CSMD2: variants seen among roughly 807,000 people sequenced by gnomAD.
The protein encoded by CSMD2 is CUB and Sushi multiple domains 2.
CSMD2 carries 130 observed loss-of-function variants against 398.5 expected under a neutral mutation model. The observed-to-expected ratio is 0.33, with a 90% CI of 0.28 to 0.38. CSMD2 has a LOEUF of 0.38. CSMD2 is among the 10% of genes least tolerant of loss of function. The pLI is 1.00. For synonymous variants in CSMD2, 1,828 were observed against 1,908.5 expected (o/e 0.96, Z 1.10); for missense variants, 3,829 against 4,764.9 (o/e 0.80, Z 5.78).
At chr1:34,026,820 G>C (rs369436710) in intron 3 of CSMD2, among the ~76,000 whole-genome samples, 25 of 152,166 alleles carry the variant, frequency 1.6e-4, no homozygotes, top group African/African-American at 5.8e-4. Flanking sequence ...AGACACACTG[G>C]GGGTAGAGTG....
At chr1:33,768,152 C>T (rs529340371) in intron 13 of CSMD2, among the ~76,000 whole-genome samples, 1 of 152,228 alleles carries the variant, frequency 6.6e-6, no homozygotes, top group Non-Finnish European at 1.5e-5. Context: ...TGCCTTCCCA[C>T]TGTCATAATG....
chr1:34,164,904 G>GACCCACCCGCGGCGGCCGA lies in CSMD2; in HGVS notation c.187+6_187+7insTCGGCCGCCGCGGGTGGGT. The GACCCACCCGCGGCGGCCGA allele has an allele frequency of 8.2e-7, 1 of 1,219,530 alleles. No homozygotes were observed. The highest frequency in any genetic ancestry group is 1.0e-6 in the Non-Finnish European group (1 of 980,210). 75.5% of individuals were successfully genotyped at this position (1,219,530 alleles called of 1,614,324 possible). A position where few individuals can be genotyped will look rare whatever the true frequency, so the allele number is the denominator to read the frequency against. ...GGCCGCTGGCTCCTCGGCGCGGCTG[G>GACCCACCCGCGGCGGCCGA]ACTCACCCGCGGCGGCCGAGACGCT... On this transcript the variant is annotated splice_region_variant and intron_variant, in intron 1 of 70. Coordinates refer to ENST00000373381, the MANE Select transcript of CSMD2 (RefSeq NM_001281956.2). The surrounding 1 kb of genome is among the most constrained non-coding windows in gnomAD (Gnocchi z 6.2).
chr1:34,108,592 T>C (rs1283216771), intron 1 of CSMD2, among the ~76,000 whole-genome samples: 1 of 152,024 alleles, frequency 6.6e-6, no homozygotes, highest in African/African-American at 2.4e-5. Flanking sequence ...GTCCAACCTC[T>C]CCCATAATTT....
Position 33,533,795 on chromosome 1 carries a change from C to T in CSMD2, c.9991+1G>A. The T allele has an allele frequency of 1.9e-6, 3 of 1,604,834 alleles. No individual in the cohort carries two copies. The highest frequency in any genetic ancestry group is 2.6e-6 in the Non-Finnish European group (3 of 1,171,690). ...GGGATGTGGGTGAAGTCTGCACTCA[C>T]GGACACAGTCAGGTGGGGTTCCACT... On this transcript the variant is annotated splice_donor_variant, in intron 63 of 70. Coordinates refer to ENST00000373381, the MANE Select transcript of CSMD2 (RefSeq NM_001281956.2). LOFTEE classifies it high-confidence loss of function. This position sits in a 1 kb window ranked among gnomAD's most constrained non-coding sequence, Gnocchi z 4.2.
intron 6 of CSMD2, among the ~76,000 whole-genome samples, chr1:33,845,013 A>C (rs1438134329): frequency 6.6e-6 from 1 of 152,202 alleles, no homozygotes; most frequent in Non-Finnish European, 1.5e-5. Flanking sequence ...TTCAGACTAC[A>C]TTGTACACAG....
intron 53 of CSMD2, among the ~76,000 whole-genome samples, chr1:33,564,649 G>A (rs944930149): frequency 2.0e-5 from 3 of 152,070 alleles, no homozygotes; most frequent in African/African-American, 2.4e-5. Flanking sequence ...TGGATCCTCC[G>A]ACCTCAGCCT....
chr1:34,070,305 T>A (rs1480183658), intron 2 of CSMD2, among the ~76,000 whole-genome samples: 1 of 152,184 alleles, frequency 6.6e-6, no homozygotes, highest in Non-Finnish European at 1.5e-5. Flanking sequence ...CTCTGGTAGG[T>A]TTCCTCTCAT....
chr1:33,944,448 G>C (rs1413404936), intron 3 of CSMD2, among the ~76,000 whole-genome samples: 1 of 152,102 alleles, frequency 6.6e-6, no homozygotes, highest in Non-Finnish European at 1.5e-5. Flanking sequence ...GGACAGGTGG[G>C]CATTGTGCTG....
chr1:33,770,596 C>T (rs561158090), intron 13 of CSMD2, among the ~76,000 whole-genome samples: 4 of 152,248 alleles, frequency 2.6e-5, no homozygotes, highest in Non-Finnish European at 4.4e-5. Flanking sequence ...TGTCCTCTTA[C>T]TCTCCAATGT....
chr1:33,525,307 G>A (rs866554342), intron 65 of CSMD2, among the ~76,000 whole-genome samples: 3 of 152,134 alleles, frequency 2.0e-5, no homozygotes, highest in Admixed American at 6.5e-5. Context: ...CCAAGTGTCC[G>A]TGAATGAATG....
At chr1:33,837,978 T>C (rs886834433) in intron 6 of CSMD2, among the ~76,000 whole-genome samples, 6 of 152,346 alleles carry the variant, frequency 3.9e-5, no homozygotes, top group Non-Finnish European at 8.8e-5. Flanking sequence ...CTCTCTAGTC[T>C]GCAGCATGAC....
At position 34,081,575 on chromosome 1, in the gene CSMD2, C is replaced by G. The variant is rs538047288; in HGVS notation, c.404+7402G>C. ...CTGGGATCGCAGGCGCGCGCCGCCACGCCTGACTGGTTTTTGTATTTTTTG... is the reference window on the plus strand; with the variant it reads ...CTGGGATCGCAGGCGCGCGCCGCCAGGCCTGACTGGTTTTTGTATTTTTTG... On this transcript the variant is annotated intron_variant, in intron 2 of 70. Coordinates refer to ENST00000373381, the MANE Select transcript of CSMD2 (RefSeq NM_001281956.2). 1.6e-4 allele frequency among the ~76,000 whole-genome samples: 24 copies of G among 152,288 alleles called. 1 individual carries two copies. Among genetic ancestry groups the G allele is most frequent in the African/African-American group, 5.8e-4 (24 of 41,574 alleles).
chr1:33,578,783 T>C (rs1206528927), intron 48 of CSMD2, among the ~76,000 whole-genome samples: 1 of 152,168 alleles, frequency 6.6e-6, no homozygotes, highest in Non-Finnish European at 1.5e-5. Context: ...AGGATGCGCG[T>C]GTGGGGCCCT....
intron 13 of CSMD2, among the ~76,000 whole-genome samples, chr1:33,757,431 G>A (rs1290583454): frequency 1.3e-5 from 2 of 152,128 alleles, no homozygotes; most frequent in Admixed American, 6.5e-5. Flanking sequence ...CCCAAACTTG[G>A]TTCTCAAGGG....
chr1:33,984,226 T>C (rs1646271234), intron 3 of CSMD2, among the ~76,000 whole-genome samples: 1 of 151,892 alleles, frequency 6.6e-6, no homozygotes, highest in Non-Finnish European at 1.5e-5. Flanking sequence ...CAGAATCTCA[T>C]GGAGGAAGCC....
chr1:34,085,033 T>C (rs1260265196), intron 2 of CSMD2, among the ~76,000 whole-genome samples: 2 of 152,288 alleles, frequency 1.3e-5, no homozygotes, highest in East Asian at 3.9e-4. Context: ...AAATACACCA[T>C]GGAATACTAT....
chr1:33,804,606 G>T, intron 10 of CSMD2: 1 of 683,746 alleles, frequency 1.5e-6, no homozygotes. Flanking sequence ...CTCCTCAAGG[G>T]CAGAGGCCAT....
chr1:34,092,761 C>G (rs1236644446), intron 1 of CSMD2, among the ~76,000 whole-genome samples: 1 of 152,238 alleles, frequency 6.6e-6, no homozygotes, highest in Non-Finnish European at 1.5e-5. Flanking sequence ...GGGTCCTACC[C>G]CACGGAGTCT....
In CSMD2 at chr1:33,605,299, G is replaced by T; in HGVS notation, c.6515C>A (p.Pro2172His). Reference sequence around the variant, plus strand: ...CGACATACCTTCACACTTGGGCAGGGGGTGGTCCCAGTTCCGGTTGGTGCC... The same window carrying T: ...CGACATACCTTCACACTTGGGCAGGTGGTGGTCCCAGTTCCGGTTGGTGCC... ...QHGTNRNWDH[P>H]LPKCEVPCGG... Residue 2172 changes from proline to histidine, a missense_variant, in exon 42 of 71, where the codon CCC (proline) becomes CAC (histidine). Transcript: ENST00000373381. 6.2e-7 allele frequency: 1 copy of T among 1,614,124 alleles called. No homozygotes were observed. Among genetic ancestry groups the T allele is most frequent in the African/African-American group, 1.3e-5 (1 of 75,048 alleles).
Sources: gnomAD v4.1 joint callset for allele counts (sites outside exome capture counted in the v4.1 genomes callset) on GRCh38, gnomAD v4.1.1 for gene constraint, Gnocchi (gnomAD v3.1) non-coding constraint, MANE v1.5 for transcripts, NCBI Gene and HGNC (gene_info 2026-07-23, HGNC 2026-07-21) for gene names.